Variants in RGS6 observed in about 807,000 individuals in gnomAD.
RGS6 encodes the protein regulator of G protein signaling 6, also known as regulator of G-protein signaling 6.
In RGS6, 30 loss-of-function variants were observed where a neutral mutation model predicts 78.5. That is an observed-to-expected ratio of 0.38 (90% CI 0.29 to 0.52). The LOEUF (loss-of-function observed/expected upper bound fraction) is 0.52, where lower values mean the gene tolerates loss of function less well. RGS6 is among the 20% of genes least tolerant of loss of function. RGS6 has a pLI of 0.85. For missense variants in RGS6, 495 were observed against 609.7 expected (o/e 0.81, Z 1.98); for synonymous variants, 206 against 206.0 (o/e 1.00, Z 0.00).
At chr14:72,191,536 C>T (rs2097325798) in intron 2 of RGS6, among the ~76,000 whole-genome samples, 2 of 152,200 alleles carry the variant, frequency 1.3e-5, no homozygotes, top group African/African-American at 4.8e-5. Flanking sequence ...GAAGGAAGAG[C>T]AAAGGGACAT....
intron 2 of RGS6, among the ~76,000 whole-genome samples, chr14:72,111,161 C>T (rs1470050921): frequency 2.6e-5 from 4 of 152,182 alleles, no homozygotes; most frequent in African/African-American, 9.6e-5. Context: ...TTCCACCTTG[C>T]CTAGCTCTGC....
At chr14:72,205,128 G>A (rs540715532) in intron 2 of RGS6, among the ~76,000 whole-genome samples, 4 of 152,264 alleles carry the variant, frequency 2.6e-5, no homozygotes, top group African/African-American at 9.6e-5. Flanking sequence ...GGGGAGCAGA[G>A]CTTCCTGTAA....
chr14:72,099,709 GA>G (rs1387798728), intron 2 of RGS6, among the ~76,000 whole-genome samples: 1 of 152,164 alleles, frequency 6.6e-6, no homozygotes, highest in East Asian at 1.9e-4. Context: ...ACCATGTAAG[GA>G]ACTCTCTGCC....
chr14:72,078,783 C>A lies in RGS6; in HGVS notation c.84+113908C>A, dbSNP rs1013263694. Among the ~76,000 whole-genome samples, 7 of 152,266 alleles carry A rather than the reference C, an allele frequency of 4.6e-5. No homozygotes were observed. The East Asian group carries it at 1.4e-3, about 29-fold the overall frequency. On this transcript the variant is annotated intron_variant, in intron 2 of 17. Transcript: ENST00000553525. The stretch of plus-strand genomic sequence containing the variant: ...CTAGCCTGATGTTACACTTAGGATC[C>A]TCTTCATTATTCTTCTGAATCCAAG...
At chr14:72,556,205 T>TTTAA (rs752941954) in intron 17 of RGS6, among the ~76,000 whole-genome samples, 7 of 152,064 alleles carry the variant, frequency 4.6e-5, no homozygotes, top group South Asian at 2.1e-4. Context: ...TGAAAAGAGG[T>TTTAA]TTAATTGACT....
intron 2 of RGS6, among the ~76,000 whole-genome samples, chr14:72,146,835 T>A (rs1162162251): frequency 6.6e-6 from 1 of 152,350 alleles, no homozygotes; most frequent in Non-Finnish European, 1.5e-5. Context: ...CTTATTTTAC[T>A]GTAAGTGGCT....
chr14:72,137,714 C>A (rs138093627), intron 2 of RGS6, among the ~76,000 whole-genome samples: 118 of 152,322 alleles, frequency 7.7e-4, no homozygotes, highest in African/African-American at 2.5e-3. Context: ...ATCCTGAGTG[C>A]AGGAGCTTCT....
At chr14:72,555,185 C>G (rs1178491976) in intron 17 of RGS6, among the ~76,000 whole-genome samples, 1 of 152,344 alleles carries the variant, frequency 6.6e-6, no homozygotes, top group South Asian at 2.1e-4. Context: ...CACACCTGCT[C>G]CTGTCCTCCC....
intron 3 of RGS6, among the ~76,000 whole-genome samples, chr14:72,423,349 T>G (rs1432085853): frequency 6.6e-6 from 1 of 152,128 alleles, no homozygotes; most frequent in African/African-American, 2.4e-5. Context: ...TGGGCTGCTT[T>G]TTTCCCCTCA....
intron 3 of RGS6, among the ~76,000 whole-genome samples, chr14:72,444,228 C>G (rs1209734598): frequency 6.6e-6 from 1 of 152,184 alleles, no homozygotes; most frequent in African/African-American, 2.4e-5. Flanking sequence ...TTTCAGACAC[C>G]TCGCCACAGC....
chr14:72,317,247 TAATAAC>T (rs1442137948), intron 2 of RGS6, among the ~76,000 whole-genome samples: 1 of 152,006 alleles, frequency 6.6e-6, no homozygotes, highest in African/African-American at 2.4e-5. Flanking sequence ...CTGCCAATAA[TAATAAC>T]AATAATAATA....
chr14:72,055,564 C>T (rs2093578150), intron 2 of RGS6, among the ~76,000 whole-genome samples: 1 of 152,126 alleles, frequency 6.6e-6, no homozygotes. Flanking sequence ...CAGTGGAATC[C>T]CTTGGAACAT....
intron 2 of RGS6, among the ~76,000 whole-genome samples, chr14:72,350,957 C>T (rs542107598): frequency 2.0e-5 from 3 of 152,086 alleles, no homozygotes; most frequent in East Asian, 1.9e-4. Context: ...GATGTTATGC[C>T]GTGCTCTAAC....
intron 2 of RGS6, among the ~76,000 whole-genome samples, chr14:71,969,816 C>T (rs928391561): frequency 9.8e-5 from 15 of 152,328 alleles, no homozygotes; most frequent in Admixed American, 3.9e-4. Context: ...TGTACAAATA[C>T]CTTTCTGCAA....
the RGS6 span, among the ~76,000 whole-genome samples, chr14:71,890,358 C>CAGACAGAGAGAGAGAGAG: frequency 3.1e-3 from 409 of 133,078 alleles, 3 homozygotes; most frequent in African/African-American, 9.1e-3. Context: ...GTGCATAAGA[C>CAGACAGAGAGAGAGAGAG]AGAGAGAGAG....
chr14:72,495,851 C>T (rs917550706), intron 13 of RGS6, among the ~76,000 whole-genome samples: 1 of 152,178 alleles, frequency 6.6e-6, no homozygotes, highest in African/African-American at 2.4e-5. Flanking sequence ...TTCTCCTTCC[C>T]TGTGAGGGAA....
chr14:71,868,942 C>T, the RGS6 span, among the ~76,000 whole-genome samples: 1 of 152,204 alleles, frequency 6.6e-6, no homozygotes, highest in African/African-American at 2.4e-5. Flanking sequence ...CCCCTTTCTT[C>T]CAGGGACAGA....
chr14:72,177,192 C>A (rs978275599), intron 2 of RGS6, among the ~76,000 whole-genome samples: 10 of 152,078 alleles, frequency 6.6e-5, no homozygotes, highest in Admixed American at 3.3e-4. Flanking sequence ...CCGTGAACAT[C>A]TTGTGCATAT....
At chr14:72,149,740 C>A (rs1014413317) in intron 2 of RGS6, among the ~76,000 whole-genome samples, 2 of 152,070 alleles carry the variant, frequency 1.3e-5, no homozygotes, top group African/African-American at 4.8e-5. Context: ...ATAATTCATG[C>A]CAATTTTGGG....
Sources: gnomAD v4.1 joint callset for allele counts (sites outside exome capture counted in the v4.1 genomes callset) on GRCh38, gnomAD v4.1.1 for gene constraint, MANE v1.5 for transcripts, NCBI Gene and HGNC (gene_info 2026-07-23, HGNC 2026-07-21) for gene names.